The following GRID1 variants were observed in gnomAD, a reference collection of about 807,000 sequenced individuals.
The protein encoded by GRID1 is glutamate receptor ionotropic, delta-1.
Under a neutral mutation model 98.0 loss-of-function variants are expected in GRID1, and 28 were observed. That is an observed-to-expected ratio of 0.29 (90% CI 0.21 to 0.39). The LOEUF is 0.39. Among genes scored for constraint, GRID1 ranks in the 10% least tolerant of loss-of-function variants. The pLI is 1.00. For missense variants in GRID1, 1,111 were observed against 1,340.5 expected, an observed-to-expected ratio of 0.83 and a Z score of 2.67; for synonymous variants, 553 against 538.5, an observed-to-expected ratio of 1.03 and a Z score of -0.37.
chr10:85,838,357 T>C (rs1018286333), intron 8 of GRID1, among the ~76,000 whole-genome samples: 1 of 152,030 alleles, frequency 6.6e-6, no homozygotes, highest in Non-Finnish European at 1.5e-5. Flanking sequence ...ATACACATAA[T>C]CATCAGATTC....
intron 4 of GRID1, among the ~76,000 whole-genome samples, chr10:86,065,518 C>T (rs750130089): frequency 6.6e-6 from 1 of 152,262 alleles, no homozygotes; most frequent in Non-Finnish European, 1.5e-5. Context: ...CATGCACTCC[C>T]CTGCCCTGTG....
In GRID1 at chr10:85,855,952, C is replaced by T. The variant is rs892658165; in HGVS notation, c.1113+77G>A. 2.2e-6 allele frequency: 3 copies of T among 1,352,978 alleles called. No individual in the cohort carries two copies. In the African/African-American group the frequency reaches 4.3e-5, roughly 19 times the overall value. 83.8% of individuals were successfully genotyped at this position (1,352,978 alleles called of 1,614,324 possible). Reference sequence around the variant, plus strand: ...CACACAGAGCCTAGCTTCAGGCCAGCTACTAGAGGGGAACACAGTGGAGGT... The same window carrying T: ...CACACAGAGCCTAGCTTCAGGCCAGTTACTAGAGGGGAACACAGTGGAGGT... On this transcript the variant is annotated intron_variant, in intron 7 of 15. Transcript: ENST00000327946.
In GRID1 at chr10:85,833,307, C is replaced by T. The variant is rs551732252; in HGVS notation, c.1233+21189G>A. Among the ~76,000 whole-genome samples, 2 of 152,220 alleles carry T rather than the reference C, an allele frequency of 1.3e-5. 1 individual carries two copies. Among genetic ancestry groups the T allele is most frequent in the South Asian group, 4.1e-4 (2 of 4,820 alleles). ...ATTCTCACAGGCCATTCTTCAACTA[C>T]AGAAACCAGGCGGCCCAGCCTGGAA... On this transcript the variant is annotated intron_variant, in intron 8 of 15. Coordinates refer to ENST00000327946, the MANE Select transcript of GRID1 (RefSeq NM_017551.3).
intron 3 of GRID1, among the ~76,000 whole-genome samples, chr10:86,181,229 G>T (rs1845650867): frequency 6.6e-6 from 1 of 152,308 alleles, no homozygotes; most frequent in East Asian, 1.9e-4. Flanking sequence ...GCCTCCCACT[G>T]CAACCATCAC....
chr10:86,281,008 G>A lies in GRID1; in HGVS notation c.236-74360C>T, dbSNP rs369956767. Among the ~76,000 whole-genome samples, 24 of 152,266 alleles carry A rather than the reference G, an allele frequency of 1.6e-4. No individual in the cohort carries two copies. In the East Asian group the frequency reaches 3.3e-3, roughly 21 times the overall value. ...GGGGATCACCCTTCCTCTGAACCTC[G>A]CCTGGAGCCAGGGGCATTTTCCCTT... On this transcript the variant is annotated intron_variant, in intron 2 of 15. Transcript: ENST00000327946.
chr10:85,796,578 C>T (rs1028628513), intron 8 of GRID1, among the ~76,000 whole-genome samples: 1 of 151,896 alleles, frequency 6.6e-6, no homozygotes, highest in African/African-American at 2.4e-5. Flanking sequence ...CTTGGAAAAA[C>T]AGCGTGAATA....
At chr10:86,222,045 CA>C (rs1362914036) in intron 2 of GRID1, among the ~76,000 whole-genome samples, 1 of 152,184 alleles carries the variant, frequency 6.6e-6, no homozygotes, top group Admixed American at 6.5e-5. Flanking sequence ...AGGCCAAGGA[CA>C]GACACCAAAC....
At chr10:86,323,031 A>C (rs962213895) in intron 2 of GRID1, among the ~76,000 whole-genome samples, 1 of 152,066 alleles carries the variant, frequency 6.6e-6, no homozygotes, top group East Asian at 1.9e-4. Flanking sequence ...GGAGGTGCAG[A>C]AGTTGCAGTG....
At chr10:85,681,764 T>A (rs1330462672) in intron 12 of GRID1, among the ~76,000 whole-genome samples, 1 of 152,064 alleles carries the variant, frequency 6.6e-6, no homozygotes, top group Admixed American at 6.5e-5. Context: ...TCACTTCCCA[T>A]ATTAAACAGC....
rs1490263364 is a variant in GRID1 at position 85,727,934 on chromosome 10, T to C, written c.1454A>G (p.Tyr485Cys). 6.2e-7 allele frequency: 1 copy of C among 1,613,854 alleles called. No individual in the cohort carries two copies. Among genetic ancestry groups the C allele is most frequent in the Non-Finnish European group, 8.5e-7 (1 of 1,179,768 alleles). Residue 485 changes from tyrosine (Y) to cysteine (C), a missense_variant, in exon 10 of 16, where the codon TAC becomes TGC. By Grantham distance (194) the Tyr-to-Cys change is radical (BLOSUM62 -2). Transcript: ENST00000327946. Reference sequence around the variant, plus strand: ...ACCGTACCTGCCATCAGGGGCTTGGTAAATCTCATATTTAAAGCCCAGAGC... The same window carrying C: ...ACCGTACCTGCCATCAGGGGCTTGGCAAATCTCATATTTAAAGCCCAGAGC... Reference protein sequence around the residue: ...AKALGFKYEIYQAPDGRYGHQ... With the variant: ...AKALGFKYEICQAPDGRYGHQ...
At chr10:86,062,369 C>A (rs1368007733) in intron 4 of GRID1, among the ~76,000 whole-genome samples, 2 of 152,084 alleles carry the variant, frequency 1.3e-5, no homozygotes, top group East Asian at 1.9e-4. Context: ...TAACTCACCC[C>A]CCAGAGCACC....
chr10:85,847,816 G>A lies in GRID1; in HGVS notation c.1233+6680C>T, dbSNP rs73336504. Reference sequence around the variant, plus strand: ...AAGTTCCTAAAAAACACAAATATAAGAAAATGCAAATGAATAATCTAATTA... The same window carrying A: ...AAGTTCCTAAAAAACACAAATATAAAAAAATGCAAATGAATAATCTAATTA... On this transcript the variant is annotated intron_variant, in intron 8 of 15. Coordinates refer to ENST00000327946, the MANE Select transcript of GRID1 (RefSeq NM_017551.3). Among the ~76,000 whole-genome samples the A allele has an allele frequency of 5.7e-3, 867 of 151,986 alleles. 8 individuals carry two copies. The highest frequency in any genetic ancestry group is 0.02 in the African/African-American group (815 of 41,452).
intron 4 of GRID1, among the ~76,000 whole-genome samples, chr10:86,078,731 G>A (rs561136138): frequency 2.0e-5 from 3 of 152,222 alleles, no homozygotes; most frequent in Non-Finnish European, 2.9e-5. Context: ...ATGAGGGCTC[G>A]GGAGAGGCAG....
At chr10:86,312,812 G>T (rs926328758) in intron 2 of GRID1, among the ~76,000 whole-genome samples, 2 of 152,196 alleles carry the variant, frequency 1.3e-5, no homozygotes, top group Admixed American at 6.5e-5. Flanking sequence ...GCAGTAGGGG[G>T]GTGTCAGTGG....
At chr10:86,227,481 C>T (rs1247310755) in intron 2 of GRID1, among the ~76,000 whole-genome samples, 2 of 152,212 alleles carry the variant, frequency 1.3e-5, no homozygotes, top group Admixed American at 1.3e-4. Context: ...AGCAATCTTC[C>T]TAAAACCCAC....
chr10:85,743,110 C>CCG (rs1554828625), intron 8 of GRID1, among the ~76,000 whole-genome samples: 1 of 129,716 alleles, frequency 7.7e-6, no homozygotes, highest in African/African-American at 2.7e-5. Context: ...ATGCAGCCCC[C>CCG]CCCCCCACCA....
rs555192778 is a variant in GRID1, at chr10:86,172,876, T to C, written c.520+33488A>G. ...GTTATTATAAAAAAATTTCAAACAT[T>C]GGAAAAAAGGGTAGTGGGCCTTGTG... On this transcript the variant is annotated intron_variant, in intron 3 of 15. Coordinates refer to ENST00000327946, the MANE Select transcript of GRID1 (RefSeq NM_017551.3). 3.3e-5 allele frequency among the ~76,000 whole-genome samples: 5 copies of C among 152,274 alleles called. No individual in the cohort carries two copies. In the South Asian group the frequency reaches 1.0e-3, roughly 32 times the overall value.
At chr10:85,645,760 A>T (rs1843179293) in intron 13 of GRID1, 1 of 152,256 alleles carries the variant, frequency 6.6e-6, no homozygotes, top group African/African-American at 2.4e-5. Context: ...AATGGCAATG[A>T]AAAATCATCC....
intron 5 of GRID1, among the ~76,000 whole-genome samples, chr10:85,878,613 G>A (rs1840944320): frequency 6.6e-6 from 1 of 152,170 alleles, no homozygotes; most frequent in African/African-American, 2.4e-5. Context: ...AAGAGCTCCT[G>A]AAGGAAGCAC....
Sources: allele counts gnomAD v4.1 joint callset (sites outside exome capture counted in the v4.1 genomes callset), GRCh38; gene constraint gnomAD v4.1.1; transcripts MANE v1.5; gene names NCBI Gene and HGNC (gene_info 2026-07-23, HGNC 2026-07-21).